APOLD1: variants seen among roughly 807,000 people sequenced by gnomAD.
APOLD1 encodes the protein apolipoprotein L domain containing 1, also known as apolipoprotein L domain-containing protein 1.
APOLD1 carries 22 observed loss-of-function variants against 15.3 expected under a neutral mutation model. The ratio of observed to expected loss-of-function variants is 1.44; its 90% CI spans 1.03 to 2.05. The LOEUF (loss-of-function observed/expected upper bound fraction) is 2.05. Ranked by LOEUF, APOLD1 falls within the 30% of genes most tolerant of loss-of-function variation. APOLD1 has a pLI of 0.00. For missense variants in APOLD1, 394 were observed against 353.5 expected, an observed-to-expected ratio of 1.11 and a Z score of -0.92; for synonymous variants, 190 against 167.4, an observed-to-expected ratio of 1.13 and a Z score of -1.04.
intron 1 of APOLD1, among the ~76,000 whole-genome samples, chr12:12,769,219 C>A (rs1371161229): frequency 7.4e-6 from 1 of 134,688 alleles, no homozygotes; most frequent in Non-Finnish European, 1.5e-5. Context: ...CAGAGCAAGA[C>A]CTCCAGCTAA....
intron 1 of APOLD1, among the ~76,000 whole-genome samples, chr12:12,770,569 A>G (rs1592304870): frequency 2.0e-5 from 3 of 147,824 alleles, no homozygotes; most frequent in East Asian, 2.0e-4. Flanking sequence ...AAAAGACTGA[A>G]AAAAAAAAAA....
At chr12:12,768,792 C>T (rs1363832895) in intron 1 of APOLD1, among the ~76,000 whole-genome samples, 1 of 151,816 alleles carries the variant, frequency 6.6e-6, no homozygotes. Flanking sequence ...AAAATGCCTC[C>T]TACCTTTTTC....
Position 12,737,863 on chromosome 12 carries a change from T to C in APOLD1, c.96+11767T>C, listed in dbSNP as rs1345863916. ...AAGATTCAGTGAATGCTTCAGAATA[T>C]GGAGGGTCGTTATCTAGGGGGAGGA... On this transcript the variant is annotated intron_variant, in intron 1 of 1. Coordinates refer to the APOLD1 transcript ENST00000326765. Among the ~76,000 whole-genome samples the C allele has an allele frequency of 2.6e-5, 4 of 152,158 alleles. No individual in the cohort carries two copies. The East Asian group carries it at 7.7e-4, about 29-fold the overall frequency.
chr12:12,777,103 T>C (rs999696132), intron 1 of APOLD1, among the ~76,000 whole-genome samples: 3 of 152,178 alleles, frequency 2.0e-5, no homozygotes, highest in Non-Finnish European at 4.4e-5. Flanking sequence ...TTCCCTGACA[T>C]AGCAATCCCA....
In APOLD1 at chr12:12,780,510, G is replaced by A. The variant is rs144963132; in HGVS notation, c.97-6399G>A. On this transcript the variant is annotated intron_variant, in intron 1 of 1. Coordinates refer to the APOLD1 transcript ENST00000326765. Reference sequence around the variant, plus strand: ...GGTGAATGTACATATTAGAACAGATGACAAAGGAAAGTCTGCAAGACCTTT... The same window carrying A: ...GGTGAATGTACATATTAGAACAGATAACAAAGGAAAGTCTGCAAGACCTTT... Among the ~76,000 whole-genome samples the A allele has an allele frequency of 7.9e-5, 12 of 151,976 alleles. No homozygotes were observed. The East Asian group carries it at 2.1e-3, about 27-fold the overall frequency.
intron 1 of APOLD1, among the ~76,000 whole-genome samples, chr12:12,745,445 G>A (rs1427492842): frequency 2.6e-5 from 4 of 152,046 alleles, no homozygotes; most frequent in Non-Finnish European, 4.4e-5. Flanking sequence ...CTGGAGAATC[G>A]GTTGAATCAG....
At chr12:12,726,096 G>C in exon 1 of APOLD1, 1 of 1,464,004 alleles carries the variant, frequency 6.8e-7, no homozygotes, top group Non-Finnish European at 9.1e-7. Context: ...GCCTTGGAAA[G>C]GTAGAACTGG....
chr12:12,748,400 G>C (rs1345925407), intron 1 of APOLD1, among the ~76,000 whole-genome samples: 2 of 152,176 alleles, frequency 1.3e-5, no homozygotes, highest in African/African-American at 4.8e-5. Context: ...CCCTCTACTT[G>C]TTCTCAAGGT....
chr12:12,777,889 GTTTTTTTTTTTTTTTTT>G (rs71436735), intron 1 of APOLD1, among the ~76,000 whole-genome samples: 6 of 117,064 alleles, frequency 5.1e-5, no homozygotes, highest in African/African-American at 1.9e-4. Context: ...AAGGAAAGGT[GTTTTTTTTTTTTTTTTT>G]TTTTTTTTTT....
intron 1 of APOLD1, among the ~76,000 whole-genome samples, chr12:12,766,173 C>T (rs1946941605): frequency 6.6e-6 from 1 of 152,094 alleles, no homozygotes; most frequent in Non-Finnish European, 1.5e-5. Flanking sequence ...CTTCACAGAT[C>T]CTGAGTTCCA....
At chr12:12,739,490 T>C (rs1041232083) in intron 1 of APOLD1, among the ~76,000 whole-genome samples, 1 of 152,248 alleles carries the variant, frequency 6.6e-6, no homozygotes, top group African/African-American at 2.4e-5. Flanking sequence ...ATTTGAAATG[T>C]ATCCTTTACT....
upstream of APOLD1, chr12:12,785,550 A>G: frequency 6.9e-7 from 1 of 1,454,250 alleles, no homozygotes. Flanking sequence ...AGATGAAGGC[A>G]GCAGGGGTCA....
chr12:12,745,557 G>A (rs545033851), intron 1 of APOLD1, among the ~76,000 whole-genome samples: 1 of 152,058 alleles, frequency 6.6e-6, no homozygotes, highest in East Asian at 1.9e-4. Context: ...AGAAGAGGAA[G>A]GAGACATAAG....
At position 12,769,502 on chromosome 12, in the gene APOLD1, T is replaced by C. The variant is rs952384239; in HGVS notation, c.97-17407T>C. On this transcript the variant is annotated intron_variant, in intron 1 of 1. Coordinates refer to the APOLD1 transcript ENST00000326765. ...ACAAGTCTGTGAGATAAAAACTTTA[T>C]TGGGAGGCTCCCACACTTTTGTAGT... 3.3e-5 allele frequency among the ~76,000 whole-genome samples: 5 copies of C among 152,164 alleles called. No homozygotes were observed. In the East Asian group the frequency reaches 7.7e-4, roughly 23 times the overall value.
At chr12:12,732,514 C>T (rs1565425085) in intron 1 of APOLD1, among the ~76,000 whole-genome samples, 3 of 151,970 alleles carry the variant, frequency 2.0e-5, no homozygotes, top group African/African-American at 7.3e-5. Context: ...CACTTGAGGT[C>T]AGGAGTTTGA....
At chr12:12,732,154 A>G (rs1205580599) in intron 1 of APOLD1, among the ~76,000 whole-genome samples, 1 of 152,208 alleles carries the variant, frequency 6.6e-6, no homozygotes, top group Non-Finnish European at 1.5e-5. Context: ...TAAAAGCCTC[A>G]TGAAGAGTTG....
intron 1 of APOLD1, chr12:12,726,386 T>C (rs1329273370): frequency 2.0e-6 from 1 of 504,556 alleles, no homozygotes; most frequent in Admixed American, 2.9e-5. Flanking sequence ...ACGGAAATTC[T>C]TTTGATAAAG....
chr12:12,729,381 G>C (rs751946098), intron 1 of APOLD1, among the ~76,000 whole-genome samples: 1 of 152,042 alleles, frequency 6.6e-6, no homozygotes, highest in African/African-American at 2.4e-5. Context: ...GTTGGGGAAA[G>C]ACTTTCTGAG....
At chr12:12,726,145 C>G in intron 1 of APOLD1, 1 of 485,686 alleles carries the variant, frequency 2.1e-6, no homozygotes, top group East Asian at 3.6e-5. Flanking sequence ...AAAAGAACAC[C>G]TCTTCGCAAC....
Sources: allele counts gnomAD v4.1 joint callset (sites outside exome capture counted in the v4.1 genomes callset), GRCh38; gene constraint gnomAD v4.1.1; transcripts MANE v1.5; gene names NCBI Gene and HGNC (gene_info 2026-07-23, HGNC 2026-07-21).